EBF3: variants seen among roughly 807,000 people sequenced by gnomAD.
EBF3 encodes the protein EBF transcription factor 3.
Under a neutral mutation model 77.1 loss-of-function variants are expected in EBF3, and 18 were observed. That is an observed-to-expected ratio of 0.23 (90% confidence interval 0.16 to 0.35). The LOEUF is 0.35. EBF3 is among the 10% of genes least tolerant of loss of function. The probability of loss-of-function intolerance (pLI) is 1.00; values close to 1 mark genes in which losing one functional copy is unlikely to be tolerated. For missense variants in EBF3, 558 were observed against 860.0 expected (o/e 0.65, Z 4.39); for synonymous variants, 350 against 343.5 (o/e 1.02, Z -0.21).
chr10:129,844,870 T>G (rs1850344785), intron 11 of EBF3, among the ~76,000 whole-genome samples: 1 of 152,228 alleles, frequency 6.6e-6, no homozygotes, highest in Non-Finnish European at 1.5e-5. Context: ...CAAGATAAAG[T>G]GTTTTTCAGA....
Position 129,944,553 on chromosome 10 carries a change from T to G in EBF3, c.554+12705A>C, listed in dbSNP as rs1350789028. ...CACTGATCCAGCAGAAGGAAATTTC[T>G]GTCATATTTCATTATCACTCTTAGG... On this transcript the variant is annotated intron_variant, in intron 6 of 16. Transcript: ENST00000440978. This position sits in a 1 kb window ranked among gnomAD's most constrained non-coding sequence, Gnocchi z 5.1. Among the ~76,000 whole-genome samples, 2 of 152,178 alleles carry G rather than the reference T, an allele frequency of 1.3e-5. No homozygotes were observed. The highest frequency in any genetic ancestry group is 4.8e-5 in the African/African-American group (2 of 41,440).
intron 6 of EBF3, among the ~76,000 whole-genome samples, chr10:129,907,204 C>A (rs991611397): frequency 6.6e-6 from 1 of 152,220 alleles, no homozygotes; most frequent in Non-Finnish European, 1.5e-5. Flanking sequence ...ATCTGTCAAT[C>A]ACCTTTCAAA....
At position 129,840,849 on chromosome 10, in the gene EBF3, T is replaced by C; in HGVS notation, c.1556A>G (p.Tyr519Cys). Residue 519 changes from tyrosine to cysteine, a missense_variant, in exon 14 of 17, where the codon TAC becomes TGC. Transcript: ENST00000440978. The part of the protein sequence containing the change: ...FLNGSSANSP[Y>C]GIVPSSPTMA... ...TGACAAAAACAGACACTTACTGCCGTAGGGAGAGTTAGCGGAGGAGCCATT... is the reference window on the plus strand; with the variant it reads ...TGACAAAAACAGACACTTACTGCCGCAGGGAGAGTTAGCGGAGGAGCCATT... 2 of 1,612,800 alleles carry C rather than the reference T, an allele frequency of 1.2e-6. No individual in the cohort carries two copies. Among genetic ancestry groups the C allele is most frequent in the Non-Finnish European group, 1.7e-6 (2 of 1,179,300 alleles).
rs1859670240 is a variant in EBF3, at chr10:129,963,278, C to G, written c.291+89G>C. 6.5e-7 allele frequency: 1 copy of G among 1,531,226 alleles called. No homozygotes were observed. The highest frequency in any genetic ancestry group is 8.8e-7 in the Non-Finnish European group (1 of 1,140,838). 94.9% of individuals were successfully genotyped at this position (1,531,226 alleles called of 1,614,324 possible). On this transcript the variant is annotated intron_variant, in intron 2 of 16. Coordinates refer to ENST00000440978, the MANE Select transcript of EBF3 (RefSeq NM_001375380.1). This position sits in a 1 kb window ranked among gnomAD's most constrained non-coding sequence, Gnocchi z 7.1. ...GGCCTGGCGGAGCCGAGCCCGCCGC[C>G]TAGGGGGGCACTCGAACCCCCGCGC...
chr10:129,844,634 T>C (rs1448156246), intron 11 of EBF3, among the ~76,000 whole-genome samples: 1 of 152,146 alleles, frequency 6.6e-6, no homozygotes, highest in East Asian at 1.9e-4. Context: ...GGCATCACTT[T>C]TTGTGCGTGC....
intron 6 of EBF3, among the ~76,000 whole-genome samples, chr10:129,913,091 G>A (rs1855633602): frequency 6.6e-6 from 1 of 152,222 alleles, no homozygotes. Context: ...GTGTTTCTTG[G>A]AGGGAAAACG....
chr10:129,908,484 T>C (rs1245009053), intron 6 of EBF3, among the ~76,000 whole-genome samples: 1 of 152,164 alleles, frequency 6.6e-6, no homozygotes, highest in African/African-American at 2.4e-5. Flanking sequence ...TTAGGGCGAA[T>C]ACAAATCTCA....
chr10:129,867,728 A>G, intron 9 of EBF3, 54 bp downstream of exon 9: 1 of 1,604,642 alleles, frequency 6.2e-7, no homozygotes, highest in Non-Finnish European at 8.5e-7. Context: ...CAGCTTGTCA[A>G]ATCCATTCAT....
At chr10:129,929,430 T>C (rs1856866067) in intron 6 of EBF3, among the ~76,000 whole-genome samples, 1 of 152,102 alleles carries the variant, frequency 6.6e-6, no homozygotes. Flanking sequence ...GGTTTCAAAC[T>C]CCTGAGCTCA....
chr10:129,936,517 G>T (rs1476088862), intron 6 of EBF3, among the ~76,000 whole-genome samples: 1 of 152,154 alleles, frequency 6.6e-6, no homozygotes, highest in African/African-American at 2.4e-5. Context: ...CTATGCAGGG[G>T]ACCCTCAGCT....
chr10:129,959,814 G>A (rs1859352529), intron 4 of EBF3, among the ~76,000 whole-genome samples: 1 of 151,986 alleles, frequency 6.6e-6, no homozygotes, highest in Non-Finnish European at 1.5e-5. Context: ...GGGGCCCCAG[G>A]GCGCCCGAGC....
At chr10:129,876,780 T>G (rs1852798332) in intron 7 of EBF3, among the ~76,000 whole-genome samples, 1 of 151,226 alleles carries the variant, frequency 6.6e-6, no homozygotes, top group Non-Finnish European at 1.5e-5. Context: ...AGCAAAATCA[T>G]CCAATGTGTT....
chr10:129,924,191 G>A (rs964229123), intron 6 of EBF3, among the ~76,000 whole-genome samples: 1 of 152,154 alleles, frequency 6.6e-6, no homozygotes, highest in African/African-American at 2.4e-5. Context: ...AAGGCAGGTG[G>A]ATCACCTGAG....
intron 6 of EBF3, among the ~76,000 whole-genome samples, chr10:129,894,419 G>T (rs1233582793): frequency 6.6e-6 from 1 of 152,208 alleles, no homozygotes; most frequent in Admixed American, 6.5e-5. Flanking sequence ...AGATGCCAAG[G>T]TCTGTACCCA....
chr10:129,837,903 T>G lies in EBF3; in HGVS notation c.*40A>C. 1 of 1,614,144 alleles carries G rather than the reference T, an allele frequency of 6.2e-7. No homozygotes were observed. Among genetic ancestry groups the G allele is most frequent in the Non-Finnish European group, 8.5e-7 (1 of 1,180,002 alleles). On this transcript the variant is annotated 3_prime_UTR_variant, in exon 17 of 17. Coordinates refer to ENST00000440978, the MANE Select transcript of EBF3 (RefSeq NM_001375380.1). The stretch of plus-strand genomic sequence containing the variant: ...CTGAAGTCCGTCCTTTGATGCTGGG[T>G]GCTGCGGAAGGTAAACAGAAGTCCC...
Sources: allele counts gnomAD v4.1 joint callset (sites outside exome capture counted in the v4.1 genomes callset), GRCh38; gene constraint gnomAD v4.1.1; non-coding constraint Gnocchi (gnomAD v3.1); transcripts MANE v1.5; gene names NCBI Gene and HGNC (gene_info 2026-07-23, HGNC 2026-07-21).